The following PRAMEF14 variants were observed in gnomAD, a reference collection of about 807,000 sequenced individuals.
PRAMEF14 encodes PRAME family member 14.
A neutral mutation model predicts 38.3 loss-of-function variants in PRAMEF14; 24 were observed. That is an observed-to-expected ratio of 0.63 (90% CI 0.45 to 0.88). The LOEUF (loss-of-function observed/expected upper bound fraction) is 0.88. Among genes scored for constraint, PRAMEF14 ranks in the 40% least tolerant of loss-of-function variants. PRAMEF14 has a pLI of 0.00. For missense variants in PRAMEF14, 477 were observed against 570.8 expected (o/e 0.84, Z 1.67); for synonymous variants, 194 against 226.4 (o/e 0.86, Z 1.29).
chr1:13,343,681 C>T (rs1426714112), intron 3 of PRAMEF14: 12 of 1,343,294 alleles, frequency 8.9e-6, no homozygotes, highest in South Asian at 1.3e-5. Flanking sequence ...GATGCGCTTT[C>T]CCTCCTTTCA....
chr1:13,345,342 A>G lies in PRAMEF14; in HGVS notation c.-25-3T>C. On this transcript the variant is annotated splice_region_variant and splice_polypyrimidine_tract_variant and intron_variant, in intron 1 of 3. Transcript: ENST00000334600. ...TGATAGATCTGCAAGAAAAATCTCT[A>G]GAAGACAAATCCAGGGAAAATGTAT... 22 of 1,603,222 alleles carry G rather than the reference A, an allele frequency of 1.4e-5. 1 individual carries two copies. Among genetic ancestry groups the G allele is most frequent in the Non-Finnish European group, 1.8e-5 (21 of 1,176,580 alleles).
chr1:13,342,504 T>C lies in PRAMEF14; in HGVS notation c.*24A>G. The C allele has an allele frequency of 6.2e-7, 1 of 1,604,956 alleles. No homozygotes were observed. The highest frequency in any genetic ancestry group is 1.1e-5 in the South Asian group (1 of 90,524). ...TGCCTGGAAGAGAACTTTGGATTTC[T>C]CTACCCCGCTAGGCACGCCTTCCCT... On this transcript the variant is annotated 3_prime_UTR_variant, in exon 4 of 4. Transcript: ENST00000334600.
intron 1 of PRAMEF14, among the ~76,000 whole-genome samples, chr1:13,346,841 C>T (rs1640410509): frequency 6.7e-6 from 1 of 150,124 alleles, no homozygotes; most frequent in African/African-American, 2.4e-5. Context: ...AAAAAACCTG[C>T]TTCGATAAGA....
chr1:13,344,447 T>G lies in PRAMEF14; in HGVS notation c.457A>C (p.Ile153Leu). 1 of 1,606,798 alleles carries G rather than the reference T, an allele frequency of 6.2e-7. No individual in the cohort carries two copies. The highest frequency in any genetic ancestry group is 8.5e-7 in the Non-Finnish European group (1 of 1,178,582). Reference protein sequence around the residue: ...EHQPLKVFIDICLKEIPQDEC... With the variant: ...EHQPLKVFIDLCLKEIPQDEC... The stretch of plus-strand genomic sequence containing the variant: ...TCCTGGGGTATTTCCTTGAGGCAGA[T>G]GTCTATGAACACCTTTAAGGGCTGG... Residue 153 changes from isoleucine to leucine, a missense_variant, in exon 3 of 4, where the codon ATC becomes CTC. By Grantham distance (5) the Ile-to-Leu change is conservative. Around this residue, in one of 4 missense-constraint regions of PRAMEF14, gnomAD observed 234 missense variants for 247.4 expected, o/e 0.95. Coordinates refer to ENST00000334600, the MANE Select transcript of PRAMEF14 (RefSeq NM_001024661.2).
In PRAMEF14 at chr1:13,341,976, A is replaced by G. The variant is rs1412473396; in HGVS notation, c.*552T>C. On this transcript the variant is annotated 3_prime_UTR_variant, in exon 4 of 4. Transcript: ENST00000334600. ...CAAAGTAGTATTTCATTATTTTTCC[A>G]TCAGTAACTCAATAACTAGATATTT... The G allele has an allele frequency of 3.2e-5, 5 of 155,826 alleles. No homozygotes were observed. The highest frequency in any genetic ancestry group is 3.1e-4 in the Admixed American group (5 of 16,380). 9.7% of individuals were successfully genotyped at this position (155,826 alleles called of 1,614,324 possible). A position where few individuals can be genotyped will look rare whatever the true frequency, so the allele number is the denominator to read the frequency against.
rs1640374037 is a variant in PRAMEF14, at chr1:13,344,388, G to C, written c.516C>G (p.Tyr172Ter). Residue 172 changes from tyrosine to a stop codon, truncating the protein, a stop_gained, in exon 3 of 4, where the codon TAC becomes TAG. Coordinates refer to ENST00000334600, the MANE Select transcript of PRAMEF14 (RefSeq NM_001024661.2). LOFTEE classifies it high-confidence loss of function. Reference protein sequence around the residue: ...ECLRYLFQWVYQRRGLVHLCC... With the variant: ...ECLRYLFQWV Reference sequence around the variant, plus strand: ...ACAGGTGTACTAAACCTCTCCTTTGGTAAACCCACTGAAAGAGGTATCTCA... The same window carrying C: ...ACAGGTGTACTAAACCTCTCCTTTGCTAAACCCACTGAAAGAGGTATCTCA... 6.2e-7 allele frequency: 1 copy of C among 1,604,400 alleles called. No homozygotes were observed. The highest frequency in any genetic ancestry group is 1.3e-5 in the African/African-American group (1 of 74,688).
In PRAMEF14 at chr1:13,343,811, C is replaced by T. The variant is rs1261310133; in HGVS notation, c.866+227G>A. 1.6e-5 allele frequency: 24 copies of T among 1,472,916 alleles called. 2 individuals are homozygous for T. The highest frequency in any genetic ancestry group is 1.8e-5 in the Non-Finnish European group (20 of 1,107,926). 91.2% of individuals were successfully genotyped at this position (1,472,916 alleles called of 1,614,324 possible). A position where few individuals can be genotyped will look rare whatever the true frequency, so the allele number is the denominator to read the frequency against. ...CCACTAACTAGCTTGTACATGATGT[C>T]TCTCTCTAGCTTCTACCCCAGGTGA... is the stretch of plus-strand genomic sequence containing the variant. On this transcript the variant is annotated intron_variant, in intron 3 of 3. Transcript: ENST00000334600.
intron 3 of PRAMEF14, 50 bp downstream of exon 3, chr1:13,343,988 G>T: frequency 6.2e-7 from 1 of 1,601,024 alleles, no homozygotes; most frequent in South Asian, 1.1e-5. Context: ...TGCTGTAACA[G>T]AACAAGGCTA....
chr1:13,346,991 T>C, intron 1 of PRAMEF14, 66 bp downstream of exon 1: 1 of 150,092 alleles, frequency 6.7e-6, no homozygotes, highest in East Asian at 2.2e-4. Flanking sequence ...TTGGGATGTG[T>C]GTCACCGTCC....
chr1:13,342,247 T>A lies in PRAMEF14; in HGVS notation c.*281A>T. On this transcript the variant is annotated 3_prime_UTR_variant, in exon 4 of 4. Transcript: ENST00000334600. ...ACACTGAGCACTTCCCTGTGCTTCCTTTAAGTTGCATGTGGCCTGGACACA... is the reference window on the plus strand; with the variant it reads ...ACACTGAGCACTTCCCTGTGCTTCCATTAAGTTGCATGTGGCCTGGACACA... 2 of 523,242 alleles carry A rather than the reference T, an allele frequency of 3.8e-6. No individual in the cohort carries two copies. Among genetic ancestry groups the A allele is most frequent in the South Asian group, 5.0e-5 (2 of 40,198 alleles). The allele number at this position is 523,242 out of a possible 1,614,324, so 32.4% of individuals were successfully genotyped here. A position where few individuals can be genotyped will look rare whatever the true frequency, so the allele number is the denominator to read the frequency against.
chr1:13,345,289 A>T lies in PRAMEF14; in HGVS notation c.26T>A (p.Leu9His). Residue 9 changes from leucine to histidine, a missense_variant, in exon 2 of 4, where the codon CTC becomes CAC. This residue lies in a region of PRAMEF14 where 58 missense variants were observed against 119.9 expected (regional missense o/e 0.48). Transcript: ENST00000334600. MSIQAPPR[L>H]LELAGQSLLR... ...CAGGCTCTGCCCTGCCAGCTCCAGG[A>T]GTCTGGGTGGGGCCTGGATGCTCAT... The T allele has an allele frequency of 6.2e-7, 1 of 1,607,396 alleles. No individual in the cohort carries two copies.
chr1:13,343,324 CTTTT>C (rs1162125868), intron 3 of PRAMEF14, among the ~76,000 whole-genome samples: 8 of 127,156 alleles, frequency 6.3e-5, no homozygotes, highest in East Asian at 2.9e-4. Flanking sequence ...TCTCTAAAGC[CTTTT>C]TTTTTTTTTT....
Position 13,343,676 on chromosome 1 carries a change from G to A in PRAMEF14, c.866+362C>T, listed in dbSNP as rs1289593090. On this transcript the variant is annotated intron_variant, in intron 3 of 3. Coordinates refer to ENST00000334600, the MANE Select transcript of PRAMEF14 (RefSeq NM_001024661.2). ...ATTGTGAAATGGACAGGTTTGATGC[G>A]CTTTCCCTCCTTTCATACCCTCCTC... is the stretch of plus-strand genomic sequence containing the variant. 668 of 1,345,134 alleles carry A rather than the reference G, an allele frequency of 5.0e-4. 15 individuals are homozygous for A. In the African/African-American group the frequency reaches 7.5e-3, roughly 15 times the overall value. The allele number at this position is 1,345,134 out of a possible 1,614,324, so 83.3% of individuals were successfully genotyped here. A position where few individuals can be genotyped will look rare whatever the true frequency, so the allele number is the denominator to read the frequency against.
rs1553125269 is a variant in PRAMEF14, at chr1:13,342,195, C to T, written c.*333G>A. On this transcript the variant is annotated 3_prime_UTR_variant, in exon 4 of 4. Coordinates refer to ENST00000334600, the MANE Select transcript of PRAMEF14 (RefSeq NM_001024661.2). ...ACCTCAACATTTTCCTCCAGCCTTG[C>T]CCCCTGCTGTTATGTTTTTTTCCCT... 2.5e-4 allele frequency: 88 copies of T among 354,576 alleles called. No individual in the cohort carries two copies. Among genetic ancestry groups the T allele is most frequent in the African/African-American group, 1.5e-3 (70 of 47,896 alleles). The allele number at this position is 354,576 out of a possible 1,614,324, so 22.0% of individuals were successfully genotyped here.
In PRAMEF14 at chr1:13,342,296, C is replaced by T; in HGVS notation, c.*232G>A. The T allele has an allele frequency of 2.7e-6, 2 of 737,076 alleles. No individual in the cohort carries two copies. The highest frequency in any genetic ancestry group is 4.1e-5 in the South Asian group (2 of 48,460). 45.7% of individuals were successfully genotyped at this position (737,076 alleles called of 1,614,324 possible). A position where few individuals can be genotyped will look rare whatever the true frequency, so the allele number is the denominator to read the frequency against. On this transcript the variant is annotated 3_prime_UTR_variant, in exon 4 of 4. Coordinates refer to ENST00000334600, the MANE Select transcript of PRAMEF14 (RefSeq NM_001024661.2). ...CAGTCACTCATGCCAGTAATCCCAG[C>T]ACTTTAGGAAGCTGAGGCAGGAGGA...
rs1553125541 is a variant in PRAMEF14, at chr1:13,344,279, G to C, written c.625C>G (p.Gln209Glu). 3.9e-4 allele frequency: 629 copies of C among 1,604,694 alleles called. 11 individuals are homozygous for C. In the African/African-American group the frequency reaches 6.8e-3, roughly 17 times the overall value. The part of the protein sequence containing the change: ...LKIIYLNSIQ[Q>E]LEIRNMSWPR... ...CAGGACATGTTGCGAATTTCCAGCT[G>C]TTGAATACTATTCAGGTATATTATT... Residue 209 changes from glutamine (Q) to glutamate (E), a missense_variant, in exon 3 of 4, where the codon CAG becomes GAG. This residue lies in a region of PRAMEF14 where 234 missense variants were observed against 247.4 expected (regional missense o/e 0.95). Transcript: ENST00000334600.
chr1:13,342,786 C>T lies in PRAMEF14; in HGVS notation c.1167G>A (p.Met389Ile). ...ACAGGTCCTTCAGGGCACCCATAGA[C>T]ATACAATTTCTGCCAAAGTAGAAGG... ...LTTFYFGRNC[M>I]SMGALKDLLC... Residue 389 changes from methionine (M) to isoleucine (I), a missense_variant, in exon 4 of 4, where the codon ATG becomes ATA. Met to Ile is a conservative substitution (Grantham distance 10, BLOSUM62 1). Transcript: ENST00000334600. 3 of 1,604,384 alleles carry T rather than the reference C, an allele frequency of 1.9e-6. No homozygotes were observed. Among genetic ancestry groups the T allele is most frequent in the South Asian group, 1.1e-5 (1 of 90,570 alleles).
At position 13,345,468 on chromosome 1, in the gene PRAMEF14, A is replaced by G. The variant is rs2100354182; in HGVS notation, c.-25-129T>C. On this transcript the variant is annotated intron_variant, in intron 1 of 3. Transcript: ENST00000334600. Reference sequence around the variant, plus strand: ...GGTCAAGGAGACCACTGGCTTATTAATTTTCATCCTTCATTCCACTGAATC... The same window carrying G: ...GGTCAAGGAGACCACTGGCTTATTAGTTTTCATCCTTCATTCCACTGAATC... 2.4e-5 allele frequency: 32 copies of G among 1,317,846 alleles called. 5 individuals carry two copies. The East Asian group carries it at 8.3e-4, about 34-fold the overall frequency. 81.6% of individuals were successfully genotyped at this position (1,317,846 alleles called of 1,614,324 possible). A position where few individuals can be genotyped will look rare whatever the true frequency, so the allele number is the denominator to read the frequency against.
intron 2 of PRAMEF14, 88 bp from the exon 3 acceptor site, chr1:13,344,704 C>G (rs1640379199): frequency 3.2e-6 from 5 of 1,569,416 alleles, no homozygotes; most frequent in Non-Finnish European, 3.5e-6. Context: ...ATCAGCTGCT[C>G]CTGTCCTCAG....
Sources: allele counts gnomAD v4.1 joint callset (sites outside exome capture counted in the v4.1 genomes callset), GRCh38; gene constraint gnomAD v4.1.1; regional missense constraint gnomAD v4.1.1; transcripts MANE v1.5; gene names NCBI Gene and HGNC (gene_info 2026-07-23, HGNC 2026-07-21).